Variants in LHPP observed in about 807,000 individuals in gnomAD.
LHPP encodes the protein hLHPP.
Under a neutral mutation model 30.3 loss-of-function variants are expected in LHPP, and 24 were observed. That is an observed-to-expected ratio of 0.79 (90% CI 0.57 to 1.11). The LOEUF is 1.11. Among genes scored for constraint, LHPP ranks in the 50% most tolerant of loss-of-function variants. The pLI, the probability that LHPP is intolerant of heterozygous loss-of-function variation, is 0.00. For synonymous variants in LHPP, 150 were observed against 157.1 expected (o/e 0.95, Z 0.34); for missense variants, 356 against 367.2 (o/e 0.97, Z 0.25).
intron 1 of LHPP, among the ~76,000 whole-genome samples, chr10:124,471,907 T>C (rs1183768464): frequency 1.3e-5 from 2 of 150,582 alleles, no homozygotes; most frequent in African/African-American, 4.9e-5. Flanking sequence ...TAGCTGGGAT[T>C]ATAGGTGTGT....
intron 1 of LHPP, among the ~76,000 whole-genome samples, chr10:124,472,693 G>A (rs1204330581): frequency 6.6e-6 from 1 of 152,042 alleles, no homozygotes; most frequent in Non-Finnish European, 1.5e-5. Flanking sequence ...GAGTAGCTGG[G>A]ACTACAGGCG....
intron 6 of LHPP, among the ~76,000 whole-genome samples, chr10:124,587,236 T>C (rs1948816303): frequency 6.6e-6 from 1 of 151,792 alleles, no homozygotes; most frequent in African/African-American, 2.4e-5. Flanking sequence ...GGTTTGGCCA[T>C]GTTGGCCAGG....
chr10:124,612,678 G>A (rs751497017), intron 6 of LHPP, among the ~76,000 whole-genome samples: 3 of 152,216 alleles, frequency 2.0e-5, no homozygotes, highest in Non-Finnish European at 4.4e-5. Flanking sequence ...GCTGCCCCCA[G>A]AATCCCAGCC....
chr10:124,527,341 T>A (rs1028552859), intron 6 of LHPP, among the ~76,000 whole-genome samples: 7 of 152,364 alleles, frequency 4.6e-5, no homozygotes, highest in Non-Finnish European at 8.8e-5. Flanking sequence ...GGCCCCTGAC[T>A]CCTGTCCTTG....
intron 5 of LHPP, among the ~76,000 whole-genome samples, chr10:124,503,941 C>G (rs2133885508): frequency 6.6e-6 from 1 of 152,238 alleles, no homozygotes; most frequent in African/African-American, 2.4e-5. Context: ...CCTGTAATCT[C>G]AGCACTTTAG....
intron 6 of LHPP, among the ~76,000 whole-genome samples, chr10:124,555,796 T>G (rs925955725): frequency 2.6e-5 from 4 of 152,222 alleles, no homozygotes; most frequent in African/African-American, 9.6e-5. Context: ...TTATTGATAA[T>G]AAAACCACTG....
intron 3 of LHPP, chr10:124,490,157 TGTCTGTGGGTGTCTCTCCTC>T (rs1190666441): frequency 1.7e-5 from 3 of 175,922 alleles, no homozygotes; most frequent in African/African-American, 7.2e-5. Flanking sequence ...TGAGTGTCTC[TGTCTGTGGGTGTCTCTCCTC>T]GTCTGTGGGT....
chr10:124,468,959 A>G (rs1316055964), intron 1 of LHPP, among the ~76,000 whole-genome samples: 1 of 152,226 alleles, frequency 6.6e-6, no homozygotes, highest in Middle Eastern at 3.2e-3. Flanking sequence ...GGGATTTTCC[A>G]GAGATGCAGG....
At chr10:124,562,281 T>G (rs1001161545) in intron 6 of LHPP, among the ~76,000 whole-genome samples, 1 of 151,436 alleles carries the variant, frequency 6.6e-6, no homozygotes, top group African/African-American at 2.4e-5. Flanking sequence ...CACTCCAGTC[T>G]GGGCAACAGG....
intron 1 of LHPP, among the ~76,000 whole-genome samples, chr10:124,473,235 G>A (rs1367503297): frequency 1.3e-5 from 2 of 152,194 alleles, no homozygotes; most frequent in Non-Finnish European, 2.9e-5. Flanking sequence ...CCCACAACGT[G>A]CAAGAAGCCA....
intron 6 of LHPP, among the ~76,000 whole-genome samples, chr10:124,589,537 C>A (rs891403649): frequency 6.6e-6 from 1 of 152,212 alleles, no homozygotes; most frequent in Non-Finnish European, 1.5e-5. Flanking sequence ...CCATGGGGCT[C>A]AGCAGAATGA....
At chr10:124,530,297 C>T (rs947816100) in intron 6 of LHPP, among the ~76,000 whole-genome samples, 4 of 152,118 alleles carry the variant, frequency 2.6e-5, no homozygotes, top group Non-Finnish European at 4.4e-5. Context: ...GCCACCTGCT[C>T]GGGCCACAAG....
At chr10:124,519,893 C>A (rs112909246) in intron 6 of LHPP, among the ~76,000 whole-genome samples, 1 of 151,726 alleles carries the variant, frequency 6.6e-6, no homozygotes, top group Admixed American at 6.6e-5. Context: ...AGTGCAGTGG[C>A]GCAGTCTCGG....
chr10:124,535,623 G>A lies in LHPP; in HGVS notation c.716+18352G>A, dbSNP rs188011160. On this transcript the variant is annotated intron_variant, in intron 6 of 6. Coordinates refer to ENST00000368842, the MANE Select transcript of LHPP (RefSeq NM_022126.4). ...AGCTGTTGCTATGTTGCCCAAGCTG[G>A]TCTTAAACTCCTGGCCTCAAGTGAT... Among the ~76,000 whole-genome samples the A allele has an allele frequency of 2.4e-3, 372 of 151,978 alleles. 1 individual carries two copies. The highest frequency in any genetic ancestry group is 8.3e-3 in the African/African-American group (345 of 41,426).
rs1468123634 is a variant in LHPP, at chr10:124,596,411, A to G, written c.717-16853A>G. ...CATAGCACCATGTCTTCTGCAGCACACGATGTGGCCGGACCTCTCCACGCT... is the reference window on the plus strand; with the variant it reads ...CATAGCACCATGTCTTCTGCAGCACGCGATGTGGCCGGACCTCTCCACGCT... On this transcript the variant is annotated intron_variant, in intron 6 of 6. Coordinates refer to ENST00000368842, the MANE Select transcript of LHPP (RefSeq NM_022126.4). The surrounding 1 kb of genome is among the most constrained non-coding windows in gnomAD (Gnocchi z 4.6). 6.6e-6 allele frequency among the ~76,000 whole-genome samples: 1 copy of G among 152,026 alleles called. No individual in the cohort carries two copies. The highest frequency in any genetic ancestry group is 2.1e-4 in the South Asian group (1 of 4,810).
intron 5 of LHPP, among the ~76,000 whole-genome samples, chr10:124,508,855 T>C (rs1954231104): frequency 6.6e-6 from 1 of 152,158 alleles, no homozygotes; most frequent in Non-Finnish European, 1.5e-5. Flanking sequence ...TCCCCCTTAA[T>C]ATCCTATTGG....
At chr10:124,516,084 C>G (rs1589819920) in intron 5 of LHPP, among the ~76,000 whole-genome samples, 1 of 152,246 alleles carries the variant, frequency 6.6e-6, no homozygotes, top group African/African-American at 2.4e-5. Flanking sequence ...TGGTATTAGT[C>G]AGCCCAGTCT....
intron 1 of LHPP, among the ~76,000 whole-genome samples, chr10:124,471,461 A>G (rs1952739788): frequency 2.5e-4 from 1 of 3,986 alleles, no homozygotes; most frequent in Non-Finnish European, 4.7e-3. Flanking sequence ...ATATTTATAT[A>G]TATTTATATA....
chr10:124,474,738 C>A (rs36033472), intron 1 of LHPP, among the ~76,000 whole-genome samples: 3 of 151,996 alleles, frequency 2.0e-5, no homozygotes, highest in African/African-American at 7.2e-5. Context: ...GTGAACATGC[C>A]GTTGGGGCTC....
Sources: gnomAD v4.1 joint callset for allele counts (sites outside exome capture counted in the v4.1 genomes callset) on GRCh38, gnomAD v4.1.1 for gene constraint, Gnocchi (gnomAD v3.1) non-coding constraint, MANE v1.5 for transcripts, NCBI Gene and HGNC (gene_info 2026-07-23, HGNC 2026-07-21) for gene names.